Variants in MOV10L1 observed in about 807,000 individuals in gnomAD.
MOV10L1 encodes the protein RNA helicase Mov10l1.
In MOV10L1, 110 loss-of-function variants were observed where a neutral mutation model predicts 143.8. The ratio of observed to expected loss-of-function variants is 0.76; its 90% CI spans 0.66 to 0.90. The LOEUF (loss-of-function observed/expected upper bound fraction) is 0.90. Among genes scored for constraint, MOV10L1 ranks in the 40% least tolerant of loss-of-function variants. The probability of loss-of-function intolerance (pLI) is 0.00; values close to 1 mark genes in which losing one functional copy is unlikely to be tolerated. For synonymous variants in MOV10L1, 593 were observed against 581.1 expected (o/e 1.02, Z -0.29); for missense variants, 1,406 against 1,526.8 (o/e 0.92, Z 1.32).
chr22:50,143,214 T>C lies in MOV10L1; in HGVS notation c.2351T>C (p.Val784Ala). 1 of 1,614,034 alleles carries C rather than the reference T, an allele frequency of 6.2e-7. No individual in the cohort carries two copies. The highest frequency in any genetic ancestry group is 8.5e-7 in the Non-Finnish European group (1 of 1,180,018). The change falls in exon 17 of 27, where the codon GTT becomes GCT. Residue 784 changes from valine to alanine, a missense_variant. By Grantham distance (64) the Val-to-Ala change is moderately conservative (BLOSUM62 0). Coordinates refer to ENST00000262794, the MANE Select transcript of MOV10L1 (RefSeq NM_018995.3). ...AAGACAGTGACAATAATAGAGGCTG[T>C]TTTACAGGTAAGGACAGCGGCGCCG... ...TGKTVTIIEA[V>A]LQVHFALPDS...
At chr22:50,151,857 G>T (rs6010145) in intron 21 of MOV10L1, among the ~76,000 whole-genome samples, 1 of 152,130 alleles carries the variant, frequency 6.6e-6, no homozygotes, top group Admixed American at 6.5e-5. Context: ...AGACCCTGCC[G>T]CACGGGAGGT....
chr22:50,144,754 T>G lies in MOV10L1; in HGVS notation c.2505+511T>G, dbSNP rs184910645. 5.1e-3 allele frequency among the ~76,000 whole-genome samples: 773 copies of G among 152,106 alleles called. 5 individuals carry two copies. Among genetic ancestry groups the G allele is most frequent in the African/African-American group, 0.013 (554 of 41,504 alleles). On this transcript the variant is annotated intron_variant, in intron 18 of 26. Coordinates refer to ENST00000262794, the MANE Select transcript of MOV10L1 (RefSeq NM_018995.3). Reference sequence around the variant, plus strand: ...CCGCCACTGCGCCCGGCTAATTTTTTGTATTTTTAGTAGAGACGGAGTTTC... The same window carrying G: ...CCGCCACTGCGCCCGGCTAATTTTTGGTATTTTTAGTAGAGACGGAGTTTC...
At position 50,148,789 on chromosome 22, in the gene MOV10L1, G is replaced by A. The variant is rs547687080; in HGVS notation, c.2628-826G>A. ...CGCCATTCTCCTGCCTCAGCTTCCC[G>A]AGTAGCTGGGACTACAGGCGCCCGC... On this transcript the variant is annotated intron_variant, in intron 19 of 26. Transcript: ENST00000262794. Among the ~76,000 whole-genome samples the A allele has an allele frequency of 2.6e-4, 39 of 151,578 alleles. 1 individual carries two copies. Among genetic ancestry groups the A allele is most frequent in the Non-Finnish European group, 4.7e-4 (32 of 67,918 alleles).
chr22:50,106,755 G>A (rs1040968193), intron 3 of MOV10L1, among the ~76,000 whole-genome samples: 38 of 147,354 alleles, frequency 2.6e-4, no homozygotes, highest in African/African-American at 9.3e-4. Context: ...AGGCTGGAGT[G>A]CAGTGGCTCA....
Position 50,159,610 on chromosome 22 carries a change from A to T in MOV10L1, c.3217-68A>T, listed in dbSNP as rs1483693447. The stretch of plus-strand genomic sequence containing the variant: ...GAGTAATACTCCATCTCAAAAAAAA[A>T]AAAGGAAAAGAAAAGAAATGGATTT... On this transcript the variant is annotated intron_variant, in intron 23 of 26. Coordinates refer to ENST00000262794, the MANE Select transcript of MOV10L1 (RefSeq NM_018995.3). This position sits in a 1 kb window ranked among gnomAD's most constrained non-coding sequence, Gnocchi z 4.1. 9 of 1,164,492 alleles carry T rather than the reference A, an allele frequency of 7.7e-6. No individual in the cohort carries two copies. The highest frequency in any genetic ancestry group is 1.1e-5 in the Non-Finnish European group (9 of 810,706). The allele number at this position is 1,164,492 out of a possible 1,614,324, so 72.1% of individuals were successfully genotyped here. A position where few individuals can be genotyped will look rare whatever the true frequency, so the allele number is the denominator to read the frequency against.
At chr22:50,100,431 A>G (rs2061715436) in intron 3 of MOV10L1, among the ~76,000 whole-genome samples, 1 of 152,244 alleles carries the variant, frequency 6.6e-6, no homozygotes, top group African/African-American at 2.4e-5. Context: ...CTGAGGTACT[A>G]TTTAAAGTAC....
intron 8 of MOV10L1, among the ~76,000 whole-genome samples, chr22:50,115,545 T>C (rs1322948452): frequency 1.3e-5 from 2 of 152,156 alleles, no homozygotes; most frequent in Non-Finnish European, 2.9e-5. Context: ...AGCAAGACTC[T>C]GTCTCAAAAA....
intron 15 of MOV10L1, among the ~76,000 whole-genome samples, chr22:50,138,480 C>A (rs951356424): frequency 1.3e-5 from 2 of 151,736 alleles, no homozygotes; most frequent in Non-Finnish European, 2.9e-5. Context: ...ATCCCTTGAG[C>A]CTGGGAGGTT....
rs943347591 is a variant in MOV10L1 at position 50,090,052 on chromosome 22, C to T, written c.-37C>T. ...CGGCGCGGGCGCGTGCGGGCGGCGG[C>T]AGCGGCGGTGACGGCAGCCTAGGCC... On this transcript the variant is annotated 5_prime_UTR_variant, in exon 1 of 27. Coordinates refer to ENST00000262794, the MANE Select transcript of MOV10L1 (RefSeq NM_018995.3). 7.2e-6 allele frequency: 6 copies of T among 837,600 alleles called. No homozygotes were observed. Among genetic ancestry groups the T allele is most frequent in the Non-Finnish European group, 9.1e-6 (6 of 656,142 alleles). 51.9% of individuals were successfully genotyped at this position (837,600 alleles called of 1,614,324 possible).
At chr22:50,155,237 T>G (rs990328779) in intron 22 of MOV10L1, among the ~76,000 whole-genome samples, 1 of 150,902 alleles carries the variant, frequency 6.6e-6, no homozygotes, top group Non-Finnish European at 1.5e-5. Flanking sequence ...TATCTGGTGG[T>G]CACTTTTTTG....
In MOV10L1 at chr22:50,159,653, GTCTT is replaced by G. The variant is rs752996426; in HGVS notation, c.3217-19_3217-16del. 1.6e-5 allele frequency: 23 copies of G among 1,420,378 alleles called. No individual in the cohort carries two copies. In the East Asian group the frequency reaches 3.4e-4, roughly 21 times the overall value. 88.0% of individuals were successfully genotyped at this position (1,420,378 alleles called of 1,614,324 possible). A position where few individuals can be genotyped will look rare whatever the true frequency, so the allele number is the denominator to read the frequency against. On this transcript the variant is annotated intron_variant, in intron 23 of 26. Coordinates refer to ENST00000262794, the MANE Select transcript of MOV10L1 (RefSeq NM_018995.3). This position sits in a 1 kb window ranked among gnomAD's most constrained non-coding sequence, Gnocchi z 4.1. ...ATGGATTTGTACAGTGTTATCTTTA[GTCTT>G]TCTTTTAATCTGTTCTCAAGGTGGA... is the stretch of plus-strand genomic sequence containing the variant.
At position 50,145,808 on chromosome 22, in the gene MOV10L1, G is replaced by A; in HGVS notation, c.2625G>A (p.Val875=). Residue 875 remains valine (V), a splice_region_variant and synonymous_variant, in exon 19 of 27, where the codon GTG becomes GTA. Coordinates refer to ENST00000262794, the MANE Select transcript of MOV10L1 (RefSeq NM_018995.3). ...SSSGLFYQIG[V]RVGHFTHVFV... The stretch of plus-strand genomic sequence containing the variant: ...CAGGGCTGTTTTACCAAATAGGAGT[G>A]AGGTGAGCCCCGGGCATGGAGCGCG... The A allele has an allele frequency of 6.2e-7, 1 of 1,613,778 alleles. No individual in the cohort carries two copies. The highest frequency in any genetic ancestry group is 8.5e-7 in the Non-Finnish European group (1 of 1,179,974).
At position 50,100,552 on chromosome 22, in the gene MOV10L1, C is replaced by T. The variant is rs570409750; in HGVS notation, c.442+950C>T. On this transcript the variant is annotated intron_variant, in intron 3 of 26. Transcript: ENST00000262794. ...TTTTTGAGATGGAGTCTCACCCTGT[C>T]GCCCAGGCTGGAGTGCAGTGGCACG... Among the ~76,000 whole-genome samples, 28 of 151,070 alleles carry T rather than the reference C, an allele frequency of 1.9e-4. 1 individual carries two copies. The East Asian group carries it at 4.4e-3, about 23-fold the overall frequency.
Position 50,159,886 on chromosome 22 carries a change from C to A in MOV10L1, c.3324+101C>A. On this transcript the variant is annotated intron_variant, in intron 24 of 26. Transcript: ENST00000262794. This position sits in a 1 kb window ranked among gnomAD's most constrained non-coding sequence, Gnocchi z 4.1. ...AAAGGGGCAGAGGCTGATTCCCAGC[C>A]CAGAGAAGCAGCTGCAGGCGGAGAC... The A allele has an allele frequency of 1.3e-6, 1 of 753,706 alleles. No individual in the cohort carries two copies. Among genetic ancestry groups the A allele is most frequent in the East Asian group, 2.6e-5 (1 of 38,482 alleles). The allele number at this position is 753,706 out of a possible 1,614,324, so 46.7% of individuals were successfully genotyped here. A position where few individuals can be genotyped will look rare whatever the true frequency, so the allele number is the denominator to read the frequency against.
intron 15 of MOV10L1, among the ~76,000 whole-genome samples, chr22:50,137,804 T>A (rs1569025393): frequency 1.8e-5 from 1 of 54,244 alleles, no homozygotes; most frequent in Non-Finnish European, 5.6e-5. Flanking sequence ...ACATATTTTA[T>A]ATATATACAT....
chr22:50,125,954 A>T (rs1266173694), intron 11 of MOV10L1, among the ~76,000 whole-genome samples: 4 of 146,036 alleles, frequency 2.7e-5, no homozygotes, highest in Non-Finnish European at 4.5e-5. Context: ...CACCCGGCTG[A>T]TTTTTTTTTT....
At chr22:50,102,341 C>G (rs528190074) in intron 3 of MOV10L1, among the ~76,000 whole-genome samples, 2 of 152,194 alleles carry the variant, frequency 1.3e-5, no homozygotes, top group Admixed American at 6.5e-5. Flanking sequence ...ACAGGATGGT[C>G]GTACCACGTA....
At chr22:50,121,701 T>G (rs2062351373) in intron 10 of MOV10L1, among the ~76,000 whole-genome samples, 1 of 152,202 alleles carries the variant, frequency 6.6e-6, no homozygotes. Flanking sequence ...AAGCTGGACC[T>G]GGGTCTGCTA....
chr22:50,132,934 G>T (rs555366015), intron 13 of MOV10L1, among the ~76,000 whole-genome samples: 177 of 152,272 alleles, frequency 1.2e-3, no homozygotes, highest in African/African-American at 4.1e-3. Context: ...TACTTGGGAG[G>T]CTGAGGCAGG....
Sources: allele counts gnomAD v4.1 joint callset (sites outside exome capture counted in the v4.1 genomes callset), GRCh38; gene constraint gnomAD v4.1.1; non-coding constraint Gnocchi (gnomAD v3.1); transcripts MANE v1.5; gene names NCBI Gene and HGNC (gene_info 2026-07-23, HGNC 2026-07-21).